The following NEK10 variants were observed in gnomAD, a reference collection of about 807,000 sequenced individuals.
The protein encoded by NEK10 is serine/threonine-protein kinase Nek10.
A neutral mutation model predicts 159.8 loss-of-function variants in NEK10; 122 were observed. The ratio of observed to expected loss-of-function variants is 0.76; its 90% CI spans 0.66 to 0.89. The LOEUF (loss-of-function observed/expected upper bound fraction) is 0.89. Among genes scored for constraint, NEK10 ranks in the 40% least tolerant of loss-of-function variants. The pLI is 0.00. For missense variants in NEK10, 1,342 were observed against 1,323.1 expected (o/e 1.01, Z -0.22); for synonymous variants, 466 against 457.1 (o/e 1.02, Z -0.25).
intron 23 of NEK10, among the ~76,000 whole-genome samples, chr3:27,204,808 C>T (rs1297343979): frequency 1.4e-5 from 2 of 143,268 alleles, no homozygotes; most frequent in Non-Finnish European, 3.1e-5. Flanking sequence ...GATTTATAGT[C>T]ATTTGGGTAT....
chr3:27,119,431 C>A (rs1283871268), intron 33 of NEK10, among the ~76,000 whole-genome samples: 1 of 152,152 alleles, frequency 6.6e-6, no homozygotes, highest in Non-Finnish European at 1.5e-5. Context: ...CTCCTTATTT[C>A]TGCTCTTTAT....
intron 22 of NEK10, among the ~76,000 whole-genome samples, chr3:27,263,270 C>T (rs971694653): frequency 1.3e-5 from 2 of 152,186 alleles, no homozygotes; most frequent in African/African-American, 4.8e-5. Context: ...GGTCAGGGAC[C>T]CACTTGAGGA....
chr3:27,266,816 T>G (rs796846705), intron 22 of NEK10, among the ~76,000 whole-genome samples: 7 of 152,208 alleles, frequency 4.6e-5, no homozygotes, highest in African/African-American at 1.7e-4. Flanking sequence ...GGTTCTGACA[T>G]GCTTCCTCTC....
At chr3:27,267,724 CA>C (rs1323844224) in intron 22 of NEK10, among the ~76,000 whole-genome samples, 3 of 152,122 alleles carry the variant, frequency 2.0e-5, no homozygotes, top group African/African-American at 7.2e-5. Flanking sequence ...CCCCTAGACA[CA>C]ATAATATTGA....
intron 23 of NEK10, among the ~76,000 whole-genome samples, chr3:27,233,472 A>C (rs1953541238): frequency 1.3e-5 from 2 of 152,088 alleles, no homozygotes; most frequent in African/African-American, 4.8e-5. Context: ...AAACTAGTAC[A>C]ATCACTATGG....
At chr3:27,199,072 CA>C (rs35333904) in intron 25 of NEK10, among the ~76,000 whole-genome samples, 20,823 of 77,646 alleles carry the variant, frequency 0.27, 3,107 homozygotes, top group African/African-American at 0.51. Flanking sequence ...GACTCCATCT[CA>C]AAAAAAAAAA....
At chr3:27,260,141 A>G (rs1397527545) in intron 22 of NEK10, among the ~76,000 whole-genome samples, 1 of 151,528 alleles carries the variant, frequency 6.6e-6, no homozygotes, top group Non-Finnish European at 1.5e-5. Flanking sequence ...GGGTTTTCTA[A>G]ATATACAATC....
chr3:27,331,033 C>G (rs1457879617), intron 5 of NEK10, among the ~76,000 whole-genome samples: 1 of 151,906 alleles, frequency 6.6e-6, no homozygotes, highest in Non-Finnish European at 1.5e-5. Flanking sequence ...GTCAGGAGTT[C>G]AAGACCAGCC....
intron 22 of NEK10, among the ~76,000 whole-genome samples, chr3:27,261,385 C>T (rs935501462): frequency 1.1e-4 from 17 of 152,200 alleles, no homozygotes; most frequent in African/African-American, 4.1e-4. Context: ...CCTCTACACA[C>T]TGCTTTGAAT....
intron 30 of NEK10, among the ~76,000 whole-genome samples, chr3:27,158,016 A>C (rs958647171): frequency 2.6e-5 from 4 of 152,178 alleles, no homozygotes; most frequent in South Asian, 4.1e-4. Flanking sequence ...TAATAGACTT[A>C]GTATAGTGTA....
At chr3:27,234,211 A>G (rs1953650489) in intron 23 of NEK10, among the ~76,000 whole-genome samples, 1 of 151,664 alleles carries the variant, frequency 6.6e-6, no homozygotes, top group Non-Finnish European at 1.5e-5. Context: ...AAACCAGCAC[A>G]AGAATGCTCT....
At chr3:27,134,472 A>G (rs1019355819) in intron 31 of NEK10, among the ~76,000 whole-genome samples, 7 of 152,224 alleles carry the variant, frequency 4.6e-5, no homozygotes, top group African/African-American at 1.7e-4. Flanking sequence ...CAAACTTTTG[A>G]AAGTGTGGAA....
rs182200155 is a variant in NEK10 at position 27,129,888 on chromosome 3, G to C, written c.3081+1992C>G. 3.4e-3 allele frequency among the ~76,000 whole-genome samples: 506 copies of C among 150,838 alleles called. 3 individuals are homozygous for C. The highest frequency in any genetic ancestry group is 0.012 in the African/African-American group (481 of 41,074). ...ATTCTGGACAGGGAAAATTAAGAAA[G>C]GTTTTTTTTTTTTGTCAGAGCTATT... On this transcript the variant is annotated intron_variant, in intron 32 of 35. Transcript: ENST00000691995.
intron 5 of NEK10, among the ~76,000 whole-genome samples, chr3:27,330,025 C>T (rs1420098718): frequency 1.4e-5 from 2 of 148,134 alleles, no homozygotes; most frequent in Admixed American, 1.4e-4. Flanking sequence ...CCTAATATGA[C>T]ATAAATGCTA....
At position 27,174,456 on chromosome 3, in the gene NEK10, A is replaced by T. The variant is rs748219533; in HGVS notation, c.2759T>A (p.Leu920Gln). Residue 920 changes from leucine to glutamine, a missense_variant, in exon 28 of 36, where the codon CTG (leucine) becomes CAG (glutamine). Physicochemically the swap from Leu to Gln is moderately radical, Grantham distance 113. Transcript: ENST00000691995. The part of the protein sequence containing the change: ...DNSSSSSSSP[L>Q]KESTFNILKR... Reference sequence around the variant, plus strand: ...AAGCTTACTGAATGTAGATTCTTTCAGAGGGCTTGAACTGGAGCTGCTGGA... The same window carrying T: ...AAGCTTACTGAATGTAGATTCTTTCTGAGGGCTTGAACTGGAGCTGCTGGA... The T allele has an allele frequency of 6.2e-7, 1 of 1,612,154 alleles. No homozygotes were observed. Among genetic ancestry groups the T allele is most frequent in the East Asian group, 2.2e-5 (1 of 44,872 alleles).
chr3:27,127,897 C>T (rs1433274906), intron 32 of NEK10, among the ~76,000 whole-genome samples: 1 of 152,068 alleles, frequency 6.6e-6, no homozygotes, highest in Admixed American at 6.6e-5. Context: ...TTCTTCTCTC[C>T]TCCTCCCCTC....
intron 25 of NEK10, 109 bp downstream of exon 25, chr3:27,201,401 T>C: frequency 3.3e-6 from 3 of 905,956 alleles, no homozygotes; most frequent in South Asian, 1.7e-5. Flanking sequence ...ATTTGGATTA[T>C]GTAGGGACTC....
Position 27,256,349 on chromosome 3 carries a change from T to G in NEK10, c.2037A>C (p.Gln679His). 6.3e-7 allele frequency: 1 copy of G among 1,575,768 alleles called. No individual in the cohort carries two copies. The highest frequency in any genetic ancestry group is 8.6e-7 in the Non-Finnish European group (1 of 1,164,448). ...VTVTDFGLAK[Q>H]KQENSKLTSV... is the part of the protein sequence containing the mutation. ...AGGTGAGTTTACTGTTTTCTTGTTTTTGCTTTGCCAGGCCAAAGTCAGCTA... is the reference window on the plus strand; with the variant it reads ...AGGTGAGTTTACTGTTTTCTTGTTTGTGCTTTGCCAGGCCAAAGTCAGCTA... The change falls in exon 23 of 36, where the codon CAA becomes CAC. Residue 679 changes from glutamine to histidine, a missense_variant. By Grantham distance (24) the Gln-to-His change is conservative. Coordinates refer to ENST00000691995, the MANE Select transcript of NEK10 (RefSeq NM_001394966.1).
chr3:27,170,819 C>T (rs975310824), intron 29 of NEK10, among the ~76,000 whole-genome samples: 1 of 152,136 alleles, frequency 6.6e-6, no homozygotes, highest in African/African-American at 2.4e-5. Flanking sequence ...TCTTCACCTC[C>T]CTTTCTCCAG....
Sources: allele counts gnomAD v4.1 joint callset (sites outside exome capture counted in the v4.1 genomes callset), GRCh38; gene constraint gnomAD v4.1.1; transcripts MANE v1.5; gene names NCBI Gene and HGNC (gene_info 2026-07-23, HGNC 2026-07-21).